KCNN2: variants seen among roughly 807,000 people sequenced by gnomAD.
KCNN2 encodes the protein small conductance calcium-activated potassium channel protein 2.
Under a neutral mutation model 55.5 loss-of-function variants are expected in KCNN2, and 24 were observed. The observed-to-expected ratio is 0.43, with a 90% confidence interval of 0.31 to 0.61. The LOEUF is 0.61. Among genes scored for constraint, KCNN2 ranks in the 20% least tolerant of loss-of-function variants. The pLI is 0.08. For missense variants in KCNN2, 754 were observed against 853.6 expected (o/e 0.88, Z 1.45); for synonymous variants, 431 against 336.1 (o/e 1.28, Z -3.09).
chr5:114,127,966 G>A (rs1169229956), intron 1 of KCNN2, among the ~76,000 whole-genome samples: 2 of 151,996 alleles, frequency 1.3e-5, no homozygotes, highest in Non-Finnish European at 2.9e-5. Context: ...CCTCAGCTTG[G>A]ACTTTATTGT....
At chr5:114,203,690 T>A (rs556188562) in intron 1 of KCNN2, among the ~76,000 whole-genome samples, 1 of 152,298 alleles carries the variant, frequency 6.6e-6, no homozygotes, top group East Asian at 1.9e-4. Context: ...GCATCTGACA[T>A]TCTGCACCAG....
At chr5:114,409,865 A>T (rs1171076575) in intron 3 of KCNN2, among the ~76,000 whole-genome samples, 1 of 152,050 alleles carries the variant, frequency 6.6e-6, no homozygotes, top group East Asian at 1.9e-4. Flanking sequence ...AGGTAATAAA[A>T]ATTCTCTCTC....
At chr5:114,209,377 C>A (rs1013257521) in intron 1 of KCNN2, among the ~76,000 whole-genome samples, 48 of 152,014 alleles carry the variant, frequency 3.2e-4, no homozygotes, top group African/African-American at 1.1e-3. Context: ...TTTCTTCTTA[C>A]TCTTCATCTC....
intron 2 of KCNN2, among the ~76,000 whole-genome samples, chr5:114,272,470 C>CAT (rs1284086152): frequency 4.6e-5 from 7 of 151,188 alleles, no homozygotes; most frequent in South Asian, 4.2e-4. Context: ...ATATCATACA[C>CAT]ACATATGTAT....
At chr5:114,190,919 G>A (rs549078349) in intron 1 of KCNN2, among the ~76,000 whole-genome samples, 1 of 152,064 alleles carries the variant, frequency 6.6e-6, no homozygotes, top group Non-Finnish European at 1.5e-5. Flanking sequence ...AGCTCCCTTC[G>A]ACACTCTTGG....
intron 1 of KCNN2, among the ~76,000 whole-genome samples, chr5:114,175,056 CT>C (rs948266030): frequency 6.6e-6 from 1 of 152,140 alleles, no homozygotes; most frequent in African/African-American, 2.4e-5. Flanking sequence ...GGGCTGTTTT[CT>C]TTTTATTCTC....
Position 114,272,412 on chromosome 5 carries a change from T to TA in KCNN2, c.-185+50847_-185+50848insA, listed in dbSNP as rs1561549121. 1.9e-3 allele frequency among the ~76,000 whole-genome samples: 44 copies of TA among 23,088 alleles called. 1 individual carries two copies. The highest frequency in any genetic ancestry group is 2.9e-3 in the African/African-American group (41 of 14,288). The allele number at this position is 23,088 out of a possible 152,430, so 15.1% of individuals were successfully genotyped here. ...ATACACACATATATGTATGTACATA[T>TA]CTACACACATATGTACGTACATATC... On this transcript the variant is annotated intron_variant, in intron 2 of 10. Coordinates refer to the KCNN2 transcript ENST00000512097.
At chr5:114,340,033 C>T (rs979501310) in intron 2 of KCNN2, among the ~76,000 whole-genome samples, 1 of 152,104 alleles carries the variant, frequency 6.6e-6, no homozygotes, top group African/African-American at 2.4e-5. Context: ...GGATATATGA[C>T]TCAAGTCAGG....
chr5:114,074,329 TGCGC>T (rs869146313), intron 1 of KCNN2, among the ~76,000 whole-genome samples: 2 of 138,668 alleles, frequency 1.4e-5, no homozygotes, highest in African/African-American at 5.8e-5. Context: ...TGTGTGTGTG[TGCGC>T]GCGCGCGCCA....
At chr5:114,456,441 A>G (rs1221698354) in intron 3 of KCNN2, among the ~76,000 whole-genome samples, 1 of 152,236 alleles carries the variant, frequency 6.6e-6, no homozygotes, top group Non-Finnish European at 1.5e-5. Flanking sequence ...ATCACTGACA[A>G]TGCACTTGGT....
intron 1 of KCNN2, among the ~76,000 whole-genome samples, chr5:114,165,133 C>A (rs1181901319): frequency 2.0e-5 from 3 of 152,138 alleles, no homozygotes; most frequent in Non-Finnish European, 4.4e-5. Flanking sequence ...AATCCCTGAA[C>A]AAAATGGGTT....
At chr5:114,135,453 AC>A (rs1752155586) in intron 1 of KCNN2, among the ~76,000 whole-genome samples, 1 of 152,030 alleles carries the variant, frequency 6.6e-6, no homozygotes, top group Admixed American at 6.6e-5. Flanking sequence ...CCCCAACCCG[AC>A]TCCAAACAGT....
At chr5:114,307,750 C>T (rs1201911869) in intron 2 of KCNN2, among the ~76,000 whole-genome samples, 2 of 152,144 alleles carry the variant, frequency 1.3e-5, no homozygotes, top group East Asian at 1.9e-4. Flanking sequence ...AAGCCATCTA[C>T]CCTCAGTAAT....
At chr5:114,162,413 C>CT (rs934083021) in intron 1 of KCNN2, among the ~76,000 whole-genome samples, 12 of 152,196 alleles carry the variant, frequency 7.9e-5, no homozygotes. Flanking sequence ...TCCGCCCCTA[C>CT]TGGGGGGTGC....
chr5:114,385,475 A>C (rs1369970424), intron 2 of KCNN2, among the ~76,000 whole-genome samples: 1 of 150,466 alleles, frequency 6.6e-6, no homozygotes, highest in African/African-American at 2.5e-5. Flanking sequence ...TACCTCTCCC[A>C]TTCCTTCAGC....
chr5:114,270,139 T>C (rs1272351951), intron 2 of KCNN2, among the ~76,000 whole-genome samples: 1 of 152,208 alleles, frequency 6.6e-6, no homozygotes, highest in Non-Finnish European at 1.5e-5. Flanking sequence ...ACAGAAAGAA[T>C]TTTATAGTAA....
intron 2 of KCNN2, among the ~76,000 whole-genome samples, chr5:114,229,305 T>C (rs151023261): frequency 0.013 from 2,045 of 151,866 alleles, 23 homozygotes; most frequent in Non-Finnish European, 0.021. Context: ...TTTTTTAACA[T>C]TTTCTTTTTT....
chr5:114,255,082 G>C (rs745317736), intron 2 of KCNN2, among the ~76,000 whole-genome samples: 5 of 152,192 alleles, frequency 3.3e-5, no homozygotes, highest in Non-Finnish European at 5.9e-5. Flanking sequence ...TATTTATGCA[G>C]AGAAAAGATG....
intron 1 of KCNN2, among the ~76,000 whole-genome samples, chr5:114,110,720 T>C (rs1751578669): frequency 6.6e-6 from 1 of 152,040 alleles, no homozygotes; most frequent in Non-Finnish European, 1.5e-5. Context: ...GTTTGGGATT[T>C]TGAATATTCT....
Sources: gnomAD v4.1 joint callset for allele counts (sites outside exome capture counted in the v4.1 genomes callset) on GRCh38, gnomAD v4.1.1 for gene constraint, MANE v1.5 for transcripts, NCBI Gene and HGNC (gene_info 2026-07-23, HGNC 2026-07-21) for gene names.